SLC22A4: variants seen among roughly 807,000 people sequenced by gnomAD.
SLC22A4 encodes ET transporter.
Under a neutral mutation model 56.6 loss-of-function variants are expected in SLC22A4, and 39 were observed. The ratio of observed to expected loss-of-function variants is 0.69; its 90% confidence interval spans 0.53 to 0.90. The LOEUF (loss-of-function observed/expected upper bound fraction) is 0.90. SLC22A4 is among the 40% of genes least tolerant of loss of function. The pLI is 0.00. For missense variants in SLC22A4, 594 were observed against 696.5 expected (o/e 0.85, Z 1.66); for synonymous variants, 241 against 281.4 (o/e 0.86, Z 1.44).
At position 132,336,099 on chromosome 5, in the gene SLC22A4, G is replaced by A. The variant is rs1016734259; in HGVS notation, c.1444+99G>A. 2.4e-5 allele frequency: 30 copies of A among 1,269,182 alleles called. No homozygotes were observed. In the African/African-American group the frequency reaches 3.4e-4, roughly 14 times the overall value. The allele number at this position is 1,269,182 out of a possible 1,614,324, so 78.6% of individuals were successfully genotyped here. On this transcript the variant is annotated intron_variant, in intron 8 of 9. Coordinates refer to ENST00000200652, the MANE Select transcript of SLC22A4 (RefSeq NM_003059.3). ...AATGTCAAATAGCATAGAATGTACT[G>A]GAAAAAAGTACAAGTTCACCTCTCC...
In SLC22A4 at chr5:132,315,379, A is replaced by T. The variant is rs115759496; in HGVS notation, c.652+1611A>T. 8.6e-3 allele frequency among the ~76,000 whole-genome samples: 1,303 copies of T among 152,294 alleles called. 13 individuals carry two copies. The highest frequency in any genetic ancestry group is 0.03 in the African/African-American group (1,228 of 41,576). ...AGCTCTCTCCGTGGGAATGGGAACA[A>T]GGTGGGACTTGTGCCAGGTGGTGGC... On this transcript the variant is annotated intron_variant, in intron 3 of 9. Coordinates refer to ENST00000200652, the MANE Select transcript of SLC22A4 (RefSeq NM_003059.3).
rs766879151 is a variant in SLC22A4 at position 132,312,210 on chromosome 5, T to C, written c.443T>C (p.Leu148Pro). The change falls in exon 2 of 10, where the codon CTG becomes CCG. Residue 148 changes from leucine (L) to proline (P), a missense_variant. Physicochemically the swap from Leu to Pro is moderately conservative, Grantham distance 98 (BLOSUM62 -3). Coordinates refer to ENST00000200652, the MANE Select transcript of SLC22A4 (RefSeq NM_003059.3). The stretch of plus-strand genomic sequence containing the variant: ...TGGAAGGTGCCCCTCACCACCTCCC[T>C]GTTCTTCGTAGGCGTGCTCCTCGGC... Reference protein sequence around the residue: ...DNWKVPLTTSLFFVGVLLGSF... With the variant: ...DNWKVPLTTSPFFVGVLLGSF... 2.5e-6 allele frequency: 4 copies of C among 1,613,884 alleles called. No individual in the cohort carries two copies. In the South Asian group the frequency reaches 3.3e-5, roughly 13 times the overall value.
At chr5:132,321,920 A>G (rs1042269496) in intron 3 of SLC22A4, among the ~76,000 whole-genome samples, 1 of 151,690 alleles carries the variant, frequency 6.6e-6, no homozygotes, top group African/African-American at 2.4e-5. Context: ...AAATAATAAT[A>G]ATAATAATAA....
chr5:132,306,583 T>C (rs1029446013), intron 1 of SLC22A4, among the ~76,000 whole-genome samples: 4 of 150,466 alleles, frequency 2.7e-5, no homozygotes, highest in Admixed American at 1.3e-4. Context: ...GTAGCTGGGA[T>C]TACAGGCACG....
At position 132,313,710 on chromosome 5, in the gene SLC22A4, G is replaced by A. The variant is rs1750250489; in HGVS notation, c.594G>A (p.Val198=). 6.2e-7 allele frequency: 1 copy of A among 1,614,068 alleles called. No homozygotes were observed. The highest frequency in any genetic ancestry group is 1.1e-5 in the South Asian group (1 of 91,090). ...CCATCAGCTGGGAGATGTTCACTGT[G>A]TTATTTGTCATCGTGGGCATGGGCC... The part of the protein sequence containing the change: ...IFSISWEMFT[V]LFVIVGMGQI... The change falls in exon 3 of 10, where the codon GTG becomes GTA. Residue 198 remains valine, a synonymous_variant. Transcript: ENST00000200652.
In SLC22A4 at chr5:132,324,782, A is replaced by G. The variant is rs766126270; in HGVS notation, c.824+2427A>G. On this transcript the variant is annotated intron_variant, in intron 4 of 9. Transcript: ENST00000200652. The stretch of plus-strand genomic sequence containing the variant: ...CTCACTGCTGTTTAGTCTGAATTCA[A>G]TCTACAGAGAGATTATAGTGTGCTA... The G allele has an allele frequency of 7.0e-5, 24 of 342,848 alleles. 1 individual carries two copies. Among genetic ancestry groups the G allele is most frequent in the Non-Finnish European group, 1.2e-4 (20 of 170,126 alleles). The allele number at this position is 342,848 out of a possible 1,614,324, so 21.2% of individuals were successfully genotyped here. A position where few individuals can be genotyped will look rare whatever the true frequency, so the allele number is the denominator to read the frequency against.
In SLC22A4 at chr5:132,341,837, C is replaced by T. The variant is rs577812732; in HGVS notation, c.1580+1137C>T. 5.9e-5 allele frequency among the ~76,000 whole-genome samples: 9 copies of T among 151,826 alleles called. No individual in the cohort carries two copies. The South Asian group carries it at 6.2e-4, about 10-fold the overall frequency. On this transcript the variant is annotated intron_variant, in intron 9 of 9. Transcript: ENST00000200652. ...GTGGCGCACCCCTGTAATCCCAGCT[C>T]GCGGGAGGCTGAGGCAGGAGAATCG...
At chr5:132,335,117 G>A (rs772258983) in intron 7 of SLC22A4, among the ~76,000 whole-genome samples, 185 bp downstream of exon 7, 2 of 152,198 alleles carry the variant, frequency 1.3e-5, no homozygotes, top group African/African-American at 4.8e-5. Flanking sequence ...CCAAACAGAA[G>A]AGACAGTCTC....
chr5:132,330,793 G>T (rs1248902793), intron 5 of SLC22A4, among the ~76,000 whole-genome samples: 1 of 152,182 alleles, frequency 6.6e-6, no homozygotes, highest in South Asian at 2.1e-4. Flanking sequence ...TAGCAGTAAG[G>T]ATTTGTCACT....
intron 8 of SLC22A4, among the ~76,000 whole-genome samples, chr5:132,337,739 CTTT>C (rs751483738): frequency 1.4e-5 from 2 of 142,032 alleles, no homozygotes; most frequent in African/African-American, 5.1e-5. Flanking sequence ...TTCTTTGCCC[CTTT>C]TTTTTTTTTT....
At position 132,294,399 on chromosome 5, in the gene SLC22A4, T is replaced by C; in HGVS notation, c.-218T>C. The C allele has an allele frequency of 1.6e-6, 1 of 636,320 alleles. No homozygotes were observed. The allele number at this position is 636,320 out of a possible 1,614,324, so 39.4% of individuals were successfully genotyped here. ...GGGGATGGGGGTGTGGTCCCAAGTG[T>C]ACAGTGGCATCAAGCTCAGCGCGAG... On this transcript the variant is annotated 5_prime_UTR_variant, in exon 1 of 10. Coordinates refer to ENST00000200652, the MANE Select transcript of SLC22A4 (RefSeq NM_003059.3). This position sits in a 1 kb window ranked among gnomAD's most constrained non-coding sequence, Gnocchi z 5.6.
chr5:132,294,532 T>C lies in SLC22A4; in HGVS notation c.-85T>C. On this transcript the variant is annotated 5_prime_UTR_variant, in exon 1 of 10. Transcript: ENST00000200652. This position sits in a 1 kb window ranked among gnomAD's most constrained non-coding sequence, Gnocchi z 5.6. ...GTCCCCCGGGAACGTTCTAACATCC[T>C]TGGGGAGCGCCCCAGCTACAAGACA... 1 of 1,592,762 alleles carries C rather than the reference T, an allele frequency of 6.3e-7. No homozygotes were observed. The highest frequency in any genetic ancestry group is 8.6e-7 in the Non-Finnish European group (1 of 1,164,952).
intron 1 of SLC22A4, among the ~76,000 whole-genome samples, chr5:132,310,090 T>A (rs1469592420): frequency 1.3e-5 from 2 of 152,234 alleles, no homozygotes; most frequent in African/African-American, 4.8e-5. Flanking sequence ...TGGTATCACA[T>A]TCCTTGAAGA....
chr5:132,307,480 T>TA (rs1750068513), intron 1 of SLC22A4, among the ~76,000 whole-genome samples: 1 of 152,256 alleles, frequency 6.6e-6, no homozygotes, highest in South Asian at 2.1e-4. Flanking sequence ...TTCTTTCTCT[T>TA]AGTCAGATTT....
chr5:132,314,279 C>T (rs547768118), intron 3 of SLC22A4, among the ~76,000 whole-genome samples: 4 of 152,282 alleles, frequency 2.6e-5, no homozygotes, highest in Admixed American at 2.6e-4. Flanking sequence ...CACCCCAGAG[C>T]CTATCAGCTA....
chr5:132,320,948 A>T (rs1750517073), intron 3 of SLC22A4: 1 of 152,196 alleles, frequency 6.6e-6, no homozygotes, highest in Non-Finnish European at 1.5e-5. Flanking sequence ...GGTGTAGTGA[A>T]CCAAGGGCAG....
At chr5:132,313,919 T>A in intron 3 of SLC22A4, 151 bp downstream of exon 3, 2 of 864,604 alleles carry the variant, frequency 2.3e-6, no homozygotes, top group African/African-American at 1.6e-5. Context: ...TTGGAGCAAG[T>A]CAGGGGCAGG....
At chr5:132,324,323 T>C (rs1318798144) in intron 4 of SLC22A4, 2 of 347,786 alleles carry the variant, frequency 5.8e-6, no homozygotes, top group Non-Finnish European at 1.2e-5. Context: ...CTCGGGACCA[T>C]ATGTCACAGC....
At chr5:132,301,831 A>G (rs760528084) in intron 1 of SLC22A4, among the ~76,000 whole-genome samples, 3 of 150,426 alleles carry the variant, frequency 2.0e-5, no homozygotes, top group East Asian at 1.9e-4. Flanking sequence ...TGGAGTTTCT[A>G]TCAGGCCTGC....
Sources: gnomAD v4.1 joint callset for allele counts (sites outside exome capture counted in the v4.1 genomes callset) on GRCh38, gnomAD v4.1.1 for gene constraint, Gnocchi (gnomAD v3.1) non-coding constraint, MANE v1.5 for transcripts, NCBI Gene and HGNC (gene_info 2026-07-23, HGNC 2026-07-21) for gene names.